Variants in SLIT1 observed in about 807,000 individuals in gnomAD.
SLIT1 encodes the protein slit homolog 1 protein.
In SLIT1, 66 loss-of-function variants were observed where a neutral mutation model predicts 186.1. The observed-to-expected ratio is 0.35, with a 90% CI of 0.29 to 0.44. The LOEUF (loss-of-function observed/expected upper bound fraction) is 0.44, where lower values mean the gene tolerates loss of function less well. Ranked by LOEUF, SLIT1 falls within the 20% of genes least tolerant of loss-of-function variation. The pLI is 1.00. For missense variants in SLIT1, 1,638 were observed against 2,037.4 expected, an observed-to-expected ratio of 0.80 and a Z score of 3.77; for synonymous variants, 761 against 833.8, an observed-to-expected ratio of 0.91 and a Z score of 1.50.
chr10:97,112,946 GGCCTTTCAAAGC>G (rs781039679), intron 4 of SLIT1, among the ~76,000 whole-genome samples: 1 of 152,022 alleles, frequency 6.6e-6, no homozygotes, highest in Non-Finnish European at 1.5e-5. Flanking sequence ...CTCCCACCTC[GGCCTTTCAAAGC>G]GCTGGGATTA....
intron 30 of SLIT1, 104 bp downstream of exon 30, chr10:97,013,637 T>C (rs1177959360): frequency 2.4e-6 from 2 of 833,426 alleles, no homozygotes; most frequent in Non-Finnish European, 2.0e-6. Context: ...CCAAACCCAT[T>C]GGACAAATGA....
chr10:96,998,239 G>T lies in SLIT1; in HGVS notation c.*2873C>A, dbSNP rs1047609742. On this transcript the variant is annotated 3_prime_UTR_variant, in exon 37 of 37. Transcript: ENST00000266058. The stretch of plus-strand genomic sequence containing the variant: ...TAGCATCTGAAAGGCAAAACAAGAC[G>T]CTGGATGTTGACTTTAACATATAAA... 2 of 152,196 alleles carry T rather than the reference G, an allele frequency of 1.3e-5. No homozygotes were observed. The highest frequency in any genetic ancestry group is 2.9e-5 in the Non-Finnish European group (2 of 68,052). 9.4% of individuals were successfully genotyped at this position (152,196 alleles called of 1,614,324 possible).
At chr10:97,014,280 C>A in intron 28 of SLIT1, 122 bp from the exon 29 acceptor site, 2 of 1,149,180 alleles carry the variant, frequency 1.7e-6, no homozygotes, top group Admixed American at 1.9e-5. Flanking sequence ...AGGCCCTTGC[C>A]AGGTGCTGGG....
Position 97,022,574 on chromosome 10 carries a change from C to A in SLIT1, c.2583-1161G>T, listed in dbSNP as rs1848511208. Among the ~76,000 whole-genome samples, 1 of 152,160 alleles carries A rather than the reference C, an allele frequency of 6.6e-6. No individual in the cohort carries two copies. Among genetic ancestry groups the A allele is most frequent in the South Asian group, 2.1e-4 (1 of 4,826 alleles). ...ACTTATCATATGACTTATGCAATTG[C>A]CTTCTGATCCAGCCATTGTTTCTGG... is the stretch of plus-strand genomic sequence containing the variant. On this transcript the variant is annotated intron_variant, in intron 25 of 36. Coordinates refer to ENST00000266058, the MANE Select transcript of SLIT1 (RefSeq NM_003061.3). This position sits in a 1 kb window ranked among gnomAD's most constrained non-coding sequence, Gnocchi z 4.2.
intron 20 of SLIT1, among the ~76,000 whole-genome samples, chr10:97,042,337 G>A (rs1848697221): frequency 1.3e-5 from 2 of 152,164 alleles, no homozygotes; most frequent in South Asian, 4.1e-4. Context: ...CTAAGGATGG[G>A]ATGGCTGCAC....
intron 4 of SLIT1, among the ~76,000 whole-genome samples, chr10:97,139,111 GT>G (rs1343482626): frequency 1.3e-5 from 2 of 152,192 alleles, no homozygotes; most frequent in African/African-American, 4.8e-5. Context: ...AGAGCCCAGG[GT>G]CCCCACGGCC....
intron 23 of SLIT1, 34 bp downstream of exon 23, chr10:97,034,437 C>T (rs754250533): frequency 1.3e-5 from 21 of 1,566,798 alleles, no homozygotes; most frequent in African/African-American, 6.8e-5. Context: ...GCCATGGCCC[C>T]GGGGCCCCCC....
chr10:97,124,554 C>T (rs1311127108), intron 4 of SLIT1, among the ~76,000 whole-genome samples: 2 of 152,220 alleles, frequency 1.3e-5, no homozygotes, highest in Non-Finnish European at 2.9e-5. Context: ...GGGGTGCGCA[C>T]CCGGCTTCCC....
At chr10:97,034,286 T>C (rs1848618398) in intron 23 of SLIT1, among the ~76,000 whole-genome samples, 185 bp downstream of exon 23, 1 of 152,258 alleles carries the variant, frequency 6.6e-6, no homozygotes, top group Admixed American at 6.5e-5. Context: ...ATATATGCCA[T>C]ATGTTGTATT....
chr10:97,128,802 G>A (rs1478591505), intron 4 of SLIT1, among the ~76,000 whole-genome samples: 1 of 152,116 alleles, frequency 6.6e-6, no homozygotes, highest in African/African-American at 2.4e-5. Flanking sequence ...CTGCCGGAGG[G>A]AGAAAAGATC....
At chr10:97,175,926 A>T (rs941739248) in intron 1 of SLIT1, among the ~76,000 whole-genome samples, 2 of 152,170 alleles carry the variant, frequency 1.3e-5, no homozygotes, top group African/African-American at 4.8e-5. Context: ...CCCAGCAAAC[A>T]TGTGCAGGCA....
chr10:97,164,931 G>C (rs760403491), intron 1 of SLIT1, 41 bp from the exon 2 acceptor site: 1 of 1,515,694 alleles, frequency 6.6e-7, no homozygotes, highest in Non-Finnish European at 9.2e-7. Context: ...GGGTGAGCAG[G>C]GTAAGCCCCC....
chr10:97,087,171 G>A (rs1565494), intron 4 of SLIT1, among the ~76,000 whole-genome samples: 83,112 of 148,282 alleles, frequency 0.56, 25,092 homozygotes, highest in East Asian at 0.82. Flanking sequence ...GCCCCCTGCC[G>A]CCACCACCCC....
intron 16 of SLIT1, among the ~76,000 whole-genome samples, 182 bp from the exon 17 acceptor site, chr10:97,047,247 TA>T (rs1349993649): frequency 2.0e-5 from 3 of 152,250 alleles, no homozygotes; most frequent in Non-Finnish European, 4.4e-5. Flanking sequence ...TGAATGGGGA[TA>T]TTTTTAACAT....
At chr10:97,185,455 C>T (rs777833968) in intron 1 of SLIT1, 23 bp downstream of exon 1, 54 of 1,604,788 alleles carry the variant, frequency 3.4e-5, no homozygotes, top group Non-Finnish European at 4.5e-5. Flanking sequence ...AGCCAGGGAG[C>T]CAGGGGCGGG....
intron 4 of SLIT1, among the ~76,000 whole-genome samples, chr10:97,149,787 C>T (rs1354880919): frequency 5.3e-5 from 8 of 152,034 alleles, no homozygotes; most frequent in Non-Finnish European, 7.4e-5. Context: ...CTGAGACTTC[C>T]GCAAGTTACT....
At position 97,042,969 on chromosome 10, in the gene SLIT1, T is replaced by A; in HGVS notation, c.2096A>T (p.Gln699Leu). ...RKIVTGNPRCQNPDFLRQIPL... is the reference protein window; with the variant it reads ...RKIVTGNPRCLNPDFLRQIPL... ...AATCTGCCGCAAAAAGTCAGGGTTC[T>A]GGCATCGCGGGTTCCCCGTCACGAT... The change falls in exon 20 of 37, where the codon CAG becomes CTG. Residue 699 changes from glutamine (Q) to leucine (L), a missense_variant. Around this residue, in one of 3 missense-constraint regions of SLIT1, gnomAD observed 1,245 missense variants for 1,535.3 expected, o/e 0.81. Transcript: ENST00000266058. 6.2e-7 allele frequency: 1 copy of A among 1,614,258 alleles called. No individual in the cohort carries two copies. The highest frequency in any genetic ancestry group is 8.5e-7 in the Non-Finnish European group (1 of 1,180,050).
intron 4 of SLIT1, 44 bp downstream of exon 4, chr10:97,157,774 A>T: frequency 6.7e-7 from 1 of 1,491,162 alleles, no homozygotes; most frequent in Non-Finnish European, 9.4e-7. Flanking sequence ...AGGGTGAGAG[A>T]CAAAACCACA....
At chr10:97,057,899 A>G in intron 11 of SLIT1, 1 of 691,110 alleles carries the variant, frequency 1.4e-6, no homozygotes, top group Non-Finnish European at 2.7e-6. Context: ...AGGTTTGGGG[A>G]GGGGGGTTGT....
Sources: gnomAD v4.1 joint callset for allele counts (sites outside exome capture counted in the v4.1 genomes callset) on GRCh38, gnomAD v4.1.1 for gene constraint, gnomAD v4.1.1 regional missense constraint, Gnocchi (gnomAD v3.1) non-coding constraint, MANE v1.5 for transcripts, NCBI Gene and HGNC (gene_info 2026-07-23, HGNC 2026-07-21) for gene names.